The following CASTOR2 variants were observed in gnomAD, a reference collection of about 807,000 sequenced individuals.
CASTOR2 encodes the protein GATS protein like 2.
CASTOR2 carries 8 observed loss-of-function variants against 31.2 expected under a neutral mutation model. That is an observed-to-expected ratio of 0.26 (90% confidence interval 0.15 to 0.46). The LOEUF (loss-of-function observed/expected upper bound fraction) is 0.46. Among genes scored for constraint, CASTOR2 ranks in the 20% least tolerant of loss-of-function variants. The pLI is 0.99. For missense variants in CASTOR2, 216 were observed against 382.1 expected (o/e 0.57, Z 3.62); for synonymous variants, 162 against 158.7 (o/e 1.02, Z -0.16).
At chr7:74,995,531 G>A (rs1462371367) in intron 1 of CASTOR2, among the ~76,000 whole-genome samples, 6 of 39,504 alleles carry the variant, frequency 1.5e-4, no homozygotes, top group African/African-American at 5.4e-4. Context: ...AAAAAGGCCG[G>A]GTGCGGTGGC....
chr7:74,973,333 CTTTTTTTTTT>C (rs1200356756), intron 1 of CASTOR2, among the ~76,000 whole-genome samples: 5 of 80,338 alleles, frequency 6.2e-5, no homozygotes, highest in African/African-American at 2.3e-4. Flanking sequence ...CTCCAGTAAG[CTTTTTTTTTT>C]TTTTTTTTTT....
intron 1 of CASTOR2, among the ~76,000 whole-genome samples, chr7:75,001,280 G>A (rs1403560651): frequency 2.6e-5 from 4 of 152,102 alleles, no homozygotes; most frequent in Non-Finnish European, 4.4e-5. Context: ...GTCTTACCAT[G>A]TTGCCCAGGC....
At chr7:75,023,770 C>T (rs1184067419) in intron 7 of CASTOR2, among the ~76,000 whole-genome samples, 1 of 152,116 alleles carries the variant, frequency 6.6e-6, no homozygotes, top group South Asian at 2.1e-4. Context: ...AGCCAGATCT[C>T]GTGAGGACTT....
chr7:74,964,723 G>T lies in CASTOR2; in HGVS notation c.-263G>T, dbSNP rs1584452847. On this transcript the variant is annotated 5_prime_UTR_variant, in exon 1 of 9. Transcript: ENST00000616305. ...GAACACCAGCTGCTCCCCGCGCCGG[G>T]CGCCGCGCGCCGCTGCTCCGCCGCT... The T allele has an allele frequency of 9.4e-6, 1 of 106,246 alleles. No homozygotes were observed. The highest frequency in any genetic ancestry group is 3.8e-4 in the South Asian group (1 of 2,650). 6.6% of individuals were successfully genotyped at this position (106,246 alleles called of 1,614,324 possible).
intron 7 of CASTOR2, among the ~76,000 whole-genome samples, chr7:75,022,878 T>G (rs1174659514): frequency 4.6e-5 from 7 of 152,236 alleles, no homozygotes; most frequent in African/African-American, 1.4e-4. Context: ...AATCACTCCT[T>G]ATTTCCACAG....
Position 75,029,362 on chromosome 7 carries a change from CT to C in CASTOR2, c.*4682del, listed in dbSNP as rs1177516960. Among the ~76,000 whole-genome samples the C allele has an allele frequency of 0.22, 28,108 of 126,086 alleles. 2,726 individuals carry two copies. Among genetic ancestry groups the C allele is most frequent in the Middle Eastern group, 0.38 (95 of 252 alleles). The allele number at this position is 126,086 out of a possible 152,430, so 82.7% of individuals were successfully genotyped here. On this transcript the variant is annotated 3_prime_UTR_variant, in exon 9 of 9. Coordinates refer to ENST00000616305, the MANE Select transcript of CASTOR2 (RefSeq NM_001145064.3). Reference sequence around the variant, plus strand: ...CACCTCAGCCCTGCAATGGGGGGATCTTTTTTTTTTTTTTTTTTTGAGACAG... The same window carrying C: ...CACCTCAGCCCTGCAATGGGGGGATCTTTTTTTTTTTTTTTTTTGAGACAG...
At position 75,026,191 on chromosome 7, in the gene CASTOR2, T is replaced by TTTTTGTTTTTTTTTG. The variant is rs1554440893; in HGVS notation, c.*1496_*1497insGTTTTTTTTTGTTTT. Among the ~76,000 whole-genome samples, 26 of 141,590 alleles carry TTTTTGTTTTTTTTTG rather than the reference T, an allele frequency of 1.8e-4. No individual in the cohort carries two copies. Among genetic ancestry groups the TTTTTGTTTTTTTTTG allele is most frequent in the African/African-American group, 6.5e-4 (25 of 38,342 alleles). 92.9% of individuals were successfully genotyped at this position (141,590 alleles called of 152,430 possible). ...CTGTGGTTTTGGCTCTGGCGGGGGT[T>TTTTTGTTTTTTTTTG]TTTTTTTTTTTTTTTGAGATGGGAG... is the stretch of plus-strand genomic sequence containing the variant. On this transcript the variant is annotated 3_prime_UTR_variant, in exon 9 of 9. Coordinates refer to ENST00000616305, the MANE Select transcript of CASTOR2 (RefSeq NM_001145064.3).
At chr7:75,021,739 T>G in intron 6 of CASTOR2, 135 bp from the exon 7 acceptor site, 1 of 1,063,448 alleles carries the variant, frequency 9.4e-7, no homozygotes, top group Non-Finnish European at 1.4e-6. Context: ...GAAGGGATTG[T>G]TTTTGGGGGG....
chr7:74,975,969 G>A (rs1584458173), intron 1 of CASTOR2, among the ~76,000 whole-genome samples: 2 of 150,060 alleles, frequency 1.3e-5, no homozygotes, highest in South Asian at 2.1e-4. Flanking sequence ...CCGGCAGAGC[G>A]GGGCTTTGAA....
chr7:74,964,892 G>C lies in CASTOR2; in HGVS notation c.-94G>C, dbSNP rs1290088615. Reference sequence around the variant, plus strand: ...CCGGCGCCGAGCTCCCGGGTCTCCGGGCCGGCTGTCGGTGCCGGCAGGGCG... The same window carrying C: ...CCGGCGCCGAGCTCCCGGGTCTCCGCGCCGGCTGTCGGTGCCGGCAGGGCG... On this transcript the variant is annotated 5_prime_UTR_variant, in exon 1 of 9. Transcript: ENST00000616305. The C allele has an allele frequency of 4.3e-5, 1 of 23,212 alleles. No individual in the cohort carries two copies. The highest frequency in any genetic ancestry group is 8.7e-5 in the Non-Finnish European group (1 of 11,456). The allele number at this position is 23,212 out of a possible 1,614,324, so 1.4% of individuals were successfully genotyped here.
At position 75,027,765 on chromosome 7, in the gene CASTOR2, C is replaced by T. The variant is rs1404977571; in HGVS notation, c.*3066C>T. 7 of 513,736 alleles carry T rather than the reference C, an allele frequency of 1.4e-5. No individual in the cohort carries two copies. Among genetic ancestry groups the T allele is most frequent in the African/African-American group, 5.9e-5 (3 of 50,718 alleles). 31.8% of individuals were successfully genotyped at this position (513,736 alleles called of 1,614,324 possible). ...TTAGTTTTCCCATCCCCATCCTGCT[C>T]GTGTAAAGCTTGGTTTATCTTCTCG... On this transcript the variant is annotated 3_prime_UTR_variant, in exon 9 of 9. Coordinates refer to ENST00000616305, the MANE Select transcript of CASTOR2 (RefSeq NM_001145064.3).
intron 1 of CASTOR2, among the ~76,000 whole-genome samples, chr7:74,999,820 G>A (rs1804451814): frequency 1.3e-5 from 2 of 151,892 alleles, no homozygotes; most frequent in Non-Finnish European, 2.9e-5. Flanking sequence ...GTTTCACCTT[G>A]TCCCGGATGG....
intron 6 of CASTOR2, among the ~76,000 whole-genome samples, chr7:75,021,494 G>A (rs995696499): frequency 2.4e-4 from 36 of 152,138 alleles, no homozygotes; most frequent in Non-Finnish European, 4.6e-4. Context: ...AGCTCAGAGA[G>A]GTGCAGGGGT....
intron 5 of CASTOR2, 49 bp downstream of exon 5, chr7:75,019,144 C>T: frequency 6.4e-7 from 1 of 1,551,566 alleles, no homozygotes; most frequent in African/African-American, 1.4e-5. Flanking sequence ...CAGGGAGAGG[C>T]ATGGCTCCGC....
chr7:74,975,714 G>T (rs1311942204), intron 1 of CASTOR2, among the ~76,000 whole-genome samples: 1 of 141,618 alleles, frequency 7.1e-6, no homozygotes, highest in Non-Finnish European at 1.5e-5. Context: ...AAAAAAGCTG[G>T]GATACCTCCA....
chr7:75,013,441 TC>T (rs1804797525), intron 2 of CASTOR2, among the ~76,000 whole-genome samples: 1 of 151,192 alleles, frequency 6.6e-6, no homozygotes, highest in East Asian at 1.9e-4. Context: ...GCCCAGGAGT[TC>T]AAGCAGGTTG....
chr7:74,979,167 AAAAAAT>A (rs1423684244), intron 1 of CASTOR2, among the ~76,000 whole-genome samples: 1 of 151,692 alleles, frequency 6.6e-6, no homozygotes, highest in Non-Finnish European at 1.5e-5. Flanking sequence ...CCTTGTCTCA[AAAAAAT>A]AAAAATAAAA....
chr7:74,981,658 C>T (rs1803947966), intron 1 of CASTOR2, among the ~76,000 whole-genome samples: 1 of 151,030 alleles, frequency 6.6e-6, no homozygotes, highest in Admixed American at 6.6e-5. Context: ...AACTCCTGGG[C>T]TCAGACAATT....
In CASTOR2 at chr7:75,027,297, C is replaced by T. The variant is rs1202729874; in HGVS notation, c.*2598C>T. 4 of 152,762 alleles carry T rather than the reference C, an allele frequency of 2.6e-5. No individual in the cohort carries two copies. The highest frequency in any genetic ancestry group is 9.6e-5 in the African/African-American group (4 of 41,572). 9.5% of individuals were successfully genotyped at this position (152,762 alleles called of 1,614,324 possible). A position where few individuals can be genotyped will look rare whatever the true frequency, so the allele number is the denominator to read the frequency against. On this transcript the variant is annotated 3_prime_UTR_variant, in exon 9 of 9. Transcript: ENST00000616305. ...GGCGTGGGTCATGCCTTCTGCACCC[C>T]ACTTTCCCCAGGCAAGATCCCTGGG...
Sources: gnomAD v4.1 joint callset for allele counts (sites outside exome capture counted in the v4.1 genomes callset) on GRCh38, gnomAD v4.1.1 for gene constraint, MANE v1.5 for transcripts, NCBI Gene and HGNC (gene_info 2026-07-23, HGNC 2026-07-21) for gene names.